The following STK32A variants were observed in gnomAD, a reference collection of about 807,000 sequenced individuals.
The protein encoded by STK32A is serine/threonine kinase 32A.
A neutral mutation model predicts 53.2 loss-of-function variants in STK32A; 41 were observed. The observed-to-expected ratio is 0.77, with a 90% CI of 0.60 to 1.00. The LOEUF (loss-of-function observed/expected upper bound fraction) is 1.00, where lower values mean the gene tolerates loss of function less well. STK32A is among the 50% of genes least tolerant of loss of function. STK32A has a pLI of 0.00. For synonymous variants in STK32A, 166 were observed against 162.8 expected, an observed-to-expected ratio of 1.02 and a Z score of -0.15; for missense variants, 458 against 485.8, an observed-to-expected ratio of 0.94 and a Z score of 0.54.
At chr5:147,366,662 A>T (rs1474397644) in intron 8 of STK32A, among the ~76,000 whole-genome samples, 1 of 152,208 alleles carries the variant, frequency 6.6e-6, no homozygotes, top group African/African-American at 2.4e-5. Context: ...AACCACGAAA[A>T]TGAAAGCAAA....
At chr5:147,372,479 T>A (rs1757044970) in intron 9 of STK32A, among the ~76,000 whole-genome samples, 2 of 152,046 alleles carry the variant, frequency 1.3e-5, no homozygotes, top group South Asian at 4.2e-4. Context: ...TCTGCTTAGT[T>A]CCAAGACAGC....
chr5:147,308,731 T>G (rs1177238707), intron 4 of STK32A, among the ~76,000 whole-genome samples: 3 of 151,600 alleles, frequency 2.0e-5, no homozygotes, highest in African/African-American at 4.8e-5. Flanking sequence ...CTAGAAGTTT[T>G]TTTTTTTTTT....
At chr5:147,277,725 T>C (rs1173534572) in intron 2 of STK32A, among the ~76,000 whole-genome samples, 1 of 152,216 alleles carries the variant, frequency 6.6e-6, no homozygotes, top group Non-Finnish European at 1.5e-5. Context: ...ATGTTTCTCC[T>C]TACCTTGCTG....
At position 147,279,288 on chromosome 5, in the gene STK32A, A is replaced by G. The variant is rs981189192; in HGVS notation, c.150A>G (p.Ala50=). 2 of 1,613,852 alleles carry G rather than the reference A, an allele frequency of 1.2e-6. No individual in the cohort carries two copies. The highest frequency in any genetic ancestry group is 1.7e-6 in the Non-Finnish European group (2 of 1,179,854). The change falls in exon 4 of 13, where the codon GCA becomes GCG. Residue 50 remains alanine (A), a synonymous_variant. Transcript: ENST00000397936. ...AGAATGATACCAAGAAGATGTACGC[A>G]ATGAAGTACATGAATAAACAAAAGT... ...VQKNDTKKMY[A]MKYMNKQKCV...
intron 2 of STK32A, among the ~76,000 whole-genome samples, chr5:147,260,969 G>A (rs1754538094): frequency 1.3e-5 from 2 of 152,204 alleles, no homozygotes; most frequent in African/African-American, 2.4e-5. Context: ...CTCCTTCCTT[G>A]GTCTGTGCGC....
intron 6 of STK32A, chr5:147,348,679 G>A (rs1191009391): frequency 1.3e-6 from 1 of 771,288 alleles, no homozygotes. Flanking sequence ...TGTGGAATTT[G>A]TTGTTTTTAA....
chr5:147,279,029 A>G (rs1751906189), intron 3 of STK32A, among the ~76,000 whole-genome samples: 1 of 152,200 alleles, frequency 6.6e-6, no homozygotes, highest in Admixed American at 6.5e-5. Context: ...ACCAGGCAAA[A>G]TTGTTTGAGA....
At chr5:147,260,175 CT>C (rs1561674987) in intron 2 of STK32A, among the ~76,000 whole-genome samples, 1 of 20,336 alleles carries the variant, frequency 4.9e-5, no homozygotes, top group African/African-American at 1.0e-4. Context: ...CTCTCTCTCT[CT>C]CTCCTCTCTC....
intron 5 of STK32A, among the ~76,000 whole-genome samples, chr5:147,334,586 GATA>G (rs1755025846): frequency 2.0e-5 from 3 of 152,194 alleles, no homozygotes; most frequent in Non-Finnish European, 2.9e-5. Flanking sequence ...ATGAAATAGG[GATA>G]ATAATTGTAC....
At chr5:147,398,307 G>T in the STK32A span, among the ~76,000 whole-genome samples, 1 of 152,162 alleles carries the variant, frequency 6.6e-6, no homozygotes, top group African/African-American at 2.4e-5. Flanking sequence ...TCAGCAAGAG[G>T]CATTACTGTA....
chr5:147,285,444 T>C (rs971335554), intron 4 of STK32A, among the ~76,000 whole-genome samples: 2 of 152,090 alleles, frequency 1.3e-5, no homozygotes, highest in African/African-American at 2.4e-5. Flanking sequence ...AAAACAAAGA[T>C]AAATTGCTGG....
intron 4 of STK32A, among the ~76,000 whole-genome samples, chr5:147,313,066 A>G (rs1753783604): frequency 7.2e-6 from 1 of 138,248 alleles, no homozygotes; most frequent in African/African-American, 2.6e-5. Context: ...ATCTCTACAA[A>G]AAAAAAAAAA....
chr5:147,390,475 G>C (rs892527696), downstream of STK32A, among the ~76,000 whole-genome samples: 1 of 101,404 alleles, frequency 9.9e-6, no homozygotes, highest in African/African-American at 5.4e-5. Flanking sequence ...TTAGGGGAAA[G>C]ACCAAAAAAA....
chr5:147,271,918 T>C (rs1396286540), intron 2 of STK32A, among the ~76,000 whole-genome samples: 2 of 152,174 alleles, frequency 1.3e-5, no homozygotes, highest in Non-Finnish European at 2.9e-5. Flanking sequence ...GTGATTCTAT[T>C]ACTTTGTGGA....
At chr5:147,261,506 T>C (rs1160306948) in intron 2 of STK32A, among the ~76,000 whole-genome samples, 2 of 152,210 alleles carry the variant, frequency 1.3e-5, no homozygotes, top group South Asian at 4.1e-4. Context: ...AGGTAGCAGG[T>C]AATCAGACTG....
At chr5:147,348,438 T>C (rs947402082) in intron 6 of STK32A, among the ~76,000 whole-genome samples, 1 of 152,176 alleles carries the variant, frequency 6.6e-6, no homozygotes, top group African/African-American at 2.4e-5. Flanking sequence ...TTCTGATTTG[T>C]TATAATAGAG....
In STK32A at chr5:147,375,289, T is replaced by C. The variant is rs538501691; in HGVS notation, c.1032+71T>C. ...TGGCTGCAATATCTTCGAGAGCTTC[T>C]ACTGGGAGGTCATTTCAGCTTCCTG... On this transcript the variant is annotated intron_variant, in intron 11 of 12. Coordinates refer to ENST00000397936, the MANE Select transcript of STK32A (RefSeq NM_001112724.2). 6.5e-6 allele frequency: 10 copies of C among 1,535,228 alleles called. No individual in the cohort carries two copies. In the Admixed American group the frequency reaches 1.8e-4, roughly 27 times the overall value.
At position 147,373,290 on chromosome 5, in the gene STK32A, C is replaced by A. The variant is rs1757085163; in HGVS notation, c.899C>A (p.Pro300His). Residue 300 changes from proline (P) to histidine (H), a missense_variant, in exon 10 of 13, where the codon CCT (proline) becomes CAT (histidine). Transcript: ENST00000397936. ...FQKRLIPGFIPNKGRLNCDPT... is the reference protein window; with the variant it reads ...FQKRLIPGFIHNKGRLNCDPT... ...AAGAGGCTCATTCCAGGTTTCATTC[C>A]TAATGTGAGTCAATCCTAACAAAGC... The A allele has an allele frequency of 6.2e-7, 1 of 1,613,000 alleles. No homozygotes were observed. The highest frequency in any genetic ancestry group is 1.7e-5 in the Admixed American group (1 of 59,866).
chr5:147,370,012 T>C (rs1403607397), intron 8 of STK32A, among the ~76,000 whole-genome samples: 1 of 152,178 alleles, frequency 6.6e-6, no homozygotes, highest in Non-Finnish European at 1.5e-5. Flanking sequence ...ATTTCTTTTC[T>C]TTTTAAATTA....
Sources: allele counts gnomAD v4.1 joint callset (sites outside exome capture counted in the v4.1 genomes callset), GRCh38; gene constraint gnomAD v4.1.1; transcripts MANE v1.5; gene names NCBI Gene and HGNC (gene_info 2026-07-23, HGNC 2026-07-21).